The following CENPW variants were observed in gnomAD, a reference collection of about 807,000 sequenced individuals.
CENPW encodes cancer-up-regulated gene 2 protein.
A neutral mutation model predicts 11.1 loss-of-function variants in CENPW; 3 were observed. That is an observed-to-expected ratio of 0.27 (90% confidence interval 0.12 to 0.70). The LOEUF (loss-of-function observed/expected upper bound fraction) is 0.70. CENPW is among the 30% of genes least tolerant of loss of function. The pLI is 0.77. For synonymous variants in CENPW, 38 were observed against 42.0 expected (o/e 0.91, Z 0.37); for missense variants, 100 against 105.6 (o/e 0.95, Z 0.23).
the CENPW span, among the ~76,000 whole-genome samples, chr6:126,443,270 A>T: frequency 4.6e-5 from 7 of 151,196 alleles, no homozygotes; most frequent in Non-Finnish European, 8.9e-5. Flanking sequence ...TTCACCCCTA[A>T]TTCTTCCTTG....
At chr6:126,355,960 A>C in the CENPW span, among the ~76,000 whole-genome samples, 1 of 152,150 alleles carries the variant, frequency 6.6e-6, no homozygotes, top group Admixed American at 6.6e-5. Flanking sequence ...GCCAGTAGTA[A>C]TACATCCATT....
chr6:126,354,592 G>A, the CENPW span, among the ~76,000 whole-genome samples: 3 of 152,092 alleles, frequency 2.0e-5, no homozygotes, highest in African/African-American at 4.8e-5. Context: ...GTAATTAAAA[G>A]TGCTAGGTCT....
chr6:126,482,923 G>A, the CENPW span, among the ~76,000 whole-genome samples: 36 of 151,998 alleles, frequency 2.4e-4, no homozygotes, highest in African/African-American at 8.2e-4. Flanking sequence ...GTTGATTTGA[G>A]GGAGATTGGC....
chr6:126,412,451 C>T, the CENPW span, among the ~76,000 whole-genome samples: 1 of 152,048 alleles, frequency 6.6e-6, no homozygotes, highest in Non-Finnish European at 1.5e-5. Flanking sequence ...TGTATGTGAT[C>T]AGTGATTTTT....
chr6:126,470,114 G>C, the CENPW span, among the ~76,000 whole-genome samples: 1 of 152,210 alleles, frequency 6.6e-6, no homozygotes, highest in South Asian at 2.1e-4. Flanking sequence ...TGGAGGAACT[G>C]TCTCAAGGGC....
chr6:126,447,090 A>G, the CENPW span, among the ~76,000 whole-genome samples: 3 of 151,120 alleles, frequency 2.0e-5, no homozygotes, highest in South Asian at 4.1e-4. Flanking sequence ...GGAAAGAACA[A>G]TAAGTACAGT....
At chr6:126,368,054 G>A in the CENPW span, among the ~76,000 whole-genome samples, 21 of 152,324 alleles carry the variant, frequency 1.4e-4, no homozygotes, top group African/African-American at 4.1e-4. Context: ...TAGGTTTTCT[G>A]TGGTGGCTTA....
chr6:126,422,773 T>C, the CENPW span, among the ~76,000 whole-genome samples: 1 of 152,126 alleles, frequency 6.6e-6, no homozygotes, highest in Non-Finnish European at 1.5e-5. Flanking sequence ...CCTTTTCCTC[T>C]TCACCTGAAA....
chr6:126,369,301 A>G, the CENPW span, among the ~76,000 whole-genome samples: 26 of 152,312 alleles, frequency 1.7e-4, 1 homozygote, highest in South Asian at 5.4e-3. Flanking sequence ...GGGACCCAGT[A>G]GTGAGATTGC....
chr6:126,397,557 A>G, the CENPW span, among the ~76,000 whole-genome samples: 3 of 152,112 alleles, frequency 2.0e-5, no homozygotes, highest in Admixed American at 6.6e-5. Flanking sequence ...GATTCTTATG[A>G]AGGTGATTTT....
the CENPW span, among the ~76,000 whole-genome samples, chr6:126,372,926 T>C: frequency 2.0e-5 from 3 of 152,212 alleles, no homozygotes; most frequent in African/African-American, 7.2e-5. Flanking sequence ...AATGTTAGTC[T>C]TAGTCATTTG....
downstream of CENPW, among the ~76,000 whole-genome samples, chr6:126,352,809 C>T (rs1274036615): frequency 2.6e-5 from 4 of 152,056 alleles, no homozygotes; most frequent in Non-Finnish European, 5.9e-5. Flanking sequence ...ATACATTTTA[C>T]AATTTGCTGG....
the CENPW span, among the ~76,000 whole-genome samples, chr6:126,450,658 G>T: frequency 6.6e-6 from 1 of 150,872 alleles, no homozygotes; most frequent in Non-Finnish European, 1.5e-5. Context: ...GCATGCTCAT[G>T]TAGCTATTTT....
At chr6:126,389,571 A>G in the CENPW span, among the ~76,000 whole-genome samples, 1 of 151,678 alleles carries the variant, frequency 6.6e-6, no homozygotes, top group Non-Finnish European at 1.5e-5. Context: ...ACGCGTGCAC[A>G]TCCAGTTGTC....
chr6:126,350,060 A>G (rs1038303331), downstream of CENPW, among the ~76,000 whole-genome samples: 5 of 152,144 alleles, frequency 3.3e-5, no homozygotes, highest in Admixed American at 3.3e-4. Context: ...AGAAATGGCC[A>G]AATGATTTTC....
At chr6:126,371,846 G>C in the CENPW span, among the ~76,000 whole-genome samples, 1 of 151,900 alleles carries the variant, frequency 6.6e-6, no homozygotes, top group Non-Finnish European at 1.5e-5. Context: ...TCTCCTCTAG[G>C]TTTTCTAGTT....
chr6:126,479,206 C>T, the CENPW span, among the ~76,000 whole-genome samples: 2 of 151,922 alleles, frequency 1.3e-5, no homozygotes, highest in Non-Finnish European at 2.9e-5. Flanking sequence ...TGTTTTTAAT[C>T]CATTTTTATT....
the CENPW span, among the ~76,000 whole-genome samples, chr6:126,458,538 G>A: frequency 2.0e-5 from 3 of 151,170 alleles, no homozygotes; most frequent in African/African-American, 2.4e-5. Flanking sequence ...TGTTACCATA[G>A]GTGAGCTTTC....
downstream of CENPW, among the ~76,000 whole-genome samples, chr6:126,349,318 C>A (rs893163437): frequency 7.9e-5 from 12 of 152,106 alleles, no homozygotes; most frequent in South Asian, 2.1e-4. Context: ...CATATAGGTA[C>A]AGTGTACATG....
Sources: allele counts gnomAD v4.1 joint callset (sites outside exome capture counted in the v4.1 genomes callset), GRCh38; gene constraint gnomAD v4.1.1; transcripts MANE v1.5; gene names NCBI Gene and HGNC (gene_info 2026-07-23, HGNC 2026-07-21).